NME9: variants seen among roughly 807,000 people sequenced by gnomAD.
The protein encoded by NME9 is NME/NM23 family member 9, also known as thioredoxin domain-containing protein 6.
A neutral mutation model predicts 44.4 loss-of-function variants in NME9; 48 were observed. That is an observed-to-expected ratio of 1.08 (90% CI 0.86 to 1.37). NME9 has a LOEUF of 1.37. Among genes scored for constraint, NME9 ranks in the 40% most tolerant of loss-of-function variants. The pLI is 0.00. For synonymous variants in NME9, 139 were observed against 147.1 expected, an observed-to-expected ratio of 0.94 and a Z score of 0.40; for missense variants, 325 against 405.2, an observed-to-expected ratio of 0.80 and a Z score of 1.70.
chr3:138,262,598 A>T (rs781548747), intron 8 of NME9: 7 of 214,344 alleles, frequency 3.3e-5, no homozygotes, highest in African/African-American at 4.9e-5. Flanking sequence ...TGAGGAGATT[A>T]AAAAAAAAAA....
At position 138,282,832 on chromosome 3, in the gene NME9, T is replaced by C. The variant is rs146647367; in HGVS notation, c.746-20246A>G. ...CTGTTAATTACACTTGGCATGCTCA[T>C]GTCTGCCCCTTCATAAGATCTTTTC... On this transcript the variant is annotated intron_variant, in intron 8 of 8. Coordinates refer to the NME9 transcript ENST00000317876. Among the ~76,000 whole-genome samples, 39 of 152,284 alleles carry C rather than the reference T, an allele frequency of 2.6e-4. No homozygotes were observed. The East Asian group carries it at 7.1e-3, about 28-fold the overall frequency.
chr3:138,273,850 T>C (rs1298260322), intron 8 of NME9, among the ~76,000 whole-genome samples: 1 of 151,550 alleles, frequency 6.6e-6, no homozygotes, highest in Non-Finnish European at 1.5e-5. Context: ...AGAGTCTTGC[T>C]CTTTCCCCCA....
At chr3:138,304,235 A>G (rs931068463) in intron 9 of NME9, among the ~76,000 whole-genome samples, 9 of 152,176 alleles carry the variant, frequency 5.9e-5, no homozygotes, top group African/African-American at 2.2e-4. Flanking sequence ...TGCCTCATAT[A>G]TAAATGTTCC....
At chr3:138,320,035 A>G (rs1460091569) in intron 2 of NME9, among the ~76,000 whole-genome samples, 2 of 152,196 alleles carry the variant, frequency 1.3e-5, no homozygotes, top group African/African-American at 4.8e-5. Flanking sequence ...TGATGAATTA[A>G]AAGCCACTTT....
At chr3:138,325,619 G>A (rs943247711) in intron 1 of NME9, among the ~76,000 whole-genome samples, 6 of 151,960 alleles carry the variant, frequency 3.9e-5, no homozygotes, top group South Asian at 4.2e-4. Context: ...TGTTGGCCAG[G>A]CTGGTCTCGA....
intron 1 of NME9, among the ~76,000 whole-genome samples, chr3:138,325,405 T>G (rs1046252163): frequency 2.0e-4 from 30 of 151,200 alleles, no homozygotes; most frequent in Non-Finnish European, 1.0e-4. Context: ...TTTCTTTTTT[T>G]TTTTTTGTTT....
At chr3:138,269,805 G>T (rs1396570835) in intron 8 of NME9, among the ~76,000 whole-genome samples, 4 of 146,332 alleles carry the variant, frequency 2.7e-5, no homozygotes, top group African/African-American at 7.6e-5. Flanking sequence ...AGAGTGGTTT[G>T]GTTTTGTTTT....
intron 8 of NME9, chr3:138,270,273 T>A: frequency 1.5e-6 from 1 of 649,624 alleles, no homozygotes; most frequent in Non-Finnish European, 2.6e-6. Flanking sequence ...TTCTAATGAC[T>A]AGGACCTAGA....
downstream of NME9, chr3:138,298,051 T>TGAA (rs1303601024): frequency 1.3e-5 from 2 of 152,234 alleles, no homozygotes; most frequent in African/African-American, 2.4e-5. Flanking sequence ...CTGATTTGAA[T>TGAA]GAAGGGAAAT....
chr3:138,278,169 T>G (rs2049490959), intron 8 of NME9, among the ~76,000 whole-genome samples: 1 of 152,192 alleles, frequency 6.6e-6, no homozygotes, highest in South Asian at 2.1e-4. Context: ...GTGATAGAAC[T>G]GCTCTGTAAA....
chr3:138,276,646 T>C (rs1443868541), intron 8 of NME9, among the ~76,000 whole-genome samples: 1 of 152,102 alleles, frequency 6.6e-6, no homozygotes, highest in Non-Finnish European at 1.5e-5. Context: ...AATTGGATAT[T>C]GAGATATTAA....
chr3:138,301,473 G>A lies in NME9; in HGVS notation c.*167C>T, dbSNP rs2051841634. On this transcript the variant is annotated 3_prime_UTR_variant, in exon 11 of 11. Transcript: ENST00000333911. ...ACCTGCCTCGGCCTCCCAAAGTGCTGGGATTACAGGTGTGAGTCACTGCGC... is the reference window on the plus strand; with the variant it reads ...ACCTGCCTCGGCCTCCCAAAGTGCTAGGATTACAGGTGTGAGTCACTGCGC... The A allele has an allele frequency of 3.7e-6, 5 of 1,361,128 alleles. No homozygotes were observed. The highest frequency in any genetic ancestry group is 1.5e-5 in the African/African-American group (1 of 68,112). The allele number at this position is 1,361,128 out of a possible 1,614,324, so 84.3% of individuals were successfully genotyped here.
At chr3:138,274,435 C>G (rs756015440) in intron 8 of NME9, 2 of 1,515,604 alleles carry the variant, frequency 1.3e-6, no homozygotes, top group Non-Finnish European at 1.8e-6. Flanking sequence ...TATGGATTTC[C>G]CATTGTTTTA....
In NME9 at chr3:138,316,752, T is replaced by A. The variant is rs181332339; in HGVS notation, c.268-1109A>T. ...GCCTCAGCCTCCTAAGTAGCTGGGA[T>A]TACAGACACCCGCCACCAGGCCTGG... On this transcript the variant is annotated intron_variant, in intron 4 of 10. Coordinates refer to ENST00000333911, the MANE Select transcript of NME9 (RefSeq NM_001349018.2). Among the ~76,000 whole-genome samples, 17 of 152,252 alleles carry A rather than the reference T, an allele frequency of 1.1e-4. No homozygotes were observed. In the East Asian group the frequency reaches 3.3e-3, roughly 29 times the overall value.
exon 9 of NME9, chr3:138,262,386 A>G (rs2047829656): frequency 2.4e-6 from 2 of 840,140 alleles, no homozygotes; most frequent in South Asian, 2.0e-5. Flanking sequence ...TTCCTAATCT[A>G]CAGCTAAAAT....
intron 8 of NME9, among the ~76,000 whole-genome samples, chr3:138,275,792 G>A (rs2049233332): frequency 6.6e-6 from 1 of 152,122 alleles, no homozygotes; most frequent in Admixed American, 6.5e-5. Context: ...AAAGTTGGTA[G>A]GTTTGATAAA....
intron 8 of NME9, among the ~76,000 whole-genome samples, chr3:138,292,580 TAGG>T (rs557727298): frequency 1.3e-5 from 2 of 152,192 alleles, no homozygotes; most frequent in South Asian, 4.2e-4. Flanking sequence ...GGAAAATGTC[TAGG>T]GTTTTAGCCT....
Position 138,304,016 on chromosome 3 carries a change from T to G in NME9, c.792-373A>C, listed in dbSNP as rs555674659. 5.3e-5 allele frequency among the ~76,000 whole-genome samples: 8 copies of G among 152,346 alleles called. No homozygotes were observed. In the South Asian group the frequency reaches 1.7e-3, roughly 32 times the overall value. On this transcript the variant is annotated intron_variant, in intron 9 of 10. Transcript: ENST00000333911. ...CCATACCAAGTGCTTGATAAAGTTG[T>G]GCATAGTTATCCTTGCAATAACCTC...
At chr3:138,263,031 G>C (rs2047908506) in intron 8 of NME9, among the ~76,000 whole-genome samples, 1 of 152,228 alleles carries the variant, frequency 6.6e-6, no homozygotes, top group South Asian at 2.1e-4. Context: ...AAATGTGTTT[G>C]TTAATATTTG....
Sources: gnomAD v4.1 joint callset for allele counts (sites outside exome capture counted in the v4.1 genomes callset) on GRCh38, gnomAD v4.1.1 for gene constraint, MANE v1.5 for transcripts, NCBI Gene and HGNC (gene_info 2026-07-23, HGNC 2026-07-21) for gene names.